HIVEP1: variants seen among roughly 807,000 people sequenced by gnomAD.
HIVEP1 encodes zinc finger protein 40.
HIVEP1 carries 36 observed loss-of-function variants against 180.0 expected under a neutral mutation model. That is an observed-to-expected ratio of 0.20 (90% CI 0.15 to 0.26). The LOEUF is 0.26. Among genes scored for constraint, HIVEP1 ranks in the 10% least tolerant of loss-of-function variants. HIVEP1 has a pLI of 1.00. For missense variants in HIVEP1, 3,143 were observed against 3,268.7 expected (o/e 0.96, Z 0.94); for synonymous variants, 1,239 against 1,239.0 (o/e 1.00, Z 0.00).
At chr6:12,162,086 G>A (rs1760444635) in intron 8 of HIVEP1, among the ~76,000 whole-genome samples, 157 bp downstream of exon 8, 1 of 151,896 alleles carries the variant, frequency 6.6e-6, no homozygotes, top group African/African-American at 2.4e-5. Context: ...AGGGTAGAGG[G>A]TATTTTTGCC....
the HIVEP1 span, among the ~76,000 whole-genome samples, chr6:12,202,671 A>C: frequency 6.6e-6 from 1 of 152,294 alleles, no homozygotes; most frequent in African/African-American, 2.4e-5. Context: ...GAGTTGGTAC[A>C]TATCCCAAGA....
In HIVEP1 at chr6:12,161,573, TCA is replaced by T; in HGVS notation, c.6623_6624del (p.Ser2208CysfsTer4). ...QAESVLSATP[S>X]VTASPQHLPS... ...TGAATCAGTCCTGTCAGCCACACCCTCAGTCACAGCTAGCCCGCAGCACCTTC... is the reference window on the plus strand; with the variant it reads ...TGAATCAGTCCTGTCAGCCACACCCTGTCACAGCTAGCCCGCAGCACCTTC... On this transcript the variant is annotated frameshift_variant, in exon 8 of 9. Coordinates refer to ENST00000379388, the MANE Select transcript of HIVEP1 (RefSeq NM_002114.4). LOFTEE classifies it high-confidence loss of function. The T allele has an allele frequency of 6.2e-7, 1 of 1,614,110 alleles. No individual in the cohort carries two copies. The highest frequency in any genetic ancestry group is 8.5e-7 in the Non-Finnish European group (1 of 1,180,018).
In HIVEP1 at chr6:12,151,921, C is replaced by T. The variant is rs548402882; in HGVS notation, c.6488-9518C>T. 5.3e-5 allele frequency among the ~76,000 whole-genome samples: 8 copies of T among 152,164 alleles called. No homozygotes were observed. The South Asian group carries it at 8.3e-4, about 16-fold the overall frequency. ...CTGTAATCCCAACACTTTGGGAGGC[C>T]GAGGCGGGTGGATCACCTGAGGTCA... is the stretch of plus-strand genomic sequence containing the variant. On this transcript the variant is annotated intron_variant, in intron 7 of 8. Transcript: ENST00000379388.
At chr6:12,080,721 A>G (rs984291133) in intron 2 of HIVEP1, among the ~76,000 whole-genome samples, 12 of 152,200 alleles carry the variant, frequency 7.9e-5, no homozygotes, top group African/African-American at 2.7e-4. Context: ...TCTGAAAAGG[A>G]TAAGTGAAGA....
At chr6:12,187,499 G>A in the HIVEP1 span, among the ~76,000 whole-genome samples, 4 of 151,914 alleles carry the variant, frequency 2.6e-5, no homozygotes, top group South Asian at 2.1e-4. Flanking sequence ...TTTGCCTTCC[G>A]TCCACCATTA....
intron 4 of HIVEP1, among the ~76,000 whole-genome samples, chr6:12,126,450 T>C (rs999508141): frequency 3.3e-5 from 5 of 152,194 alleles, no homozygotes; most frequent in African/African-American, 1.2e-4. Flanking sequence ...GTAAGTTGAT[T>C]TGGTCAAGAT....
chr6:12,173,654 C>G, the HIVEP1 span, among the ~76,000 whole-genome samples: 1 of 152,044 alleles, frequency 6.6e-6, no homozygotes, highest in Non-Finnish European at 1.5e-5. Flanking sequence ...GTCTATATAT[C>G]TGTGGGCTTG....
chr6:12,145,222 C>G (rs1207448239), intron 7 of HIVEP1, among the ~76,000 whole-genome samples: 2 of 151,996 alleles, frequency 1.3e-5, no homozygotes, highest in East Asian at 1.9e-4. Flanking sequence ...CCTTTGCAGA[C>G]TTGGATGCAG....
rs190044678 is a variant in HIVEP1, at chr6:12,104,616, G to A, written c.95-15274G>A. On this transcript the variant is annotated intron_variant, in intron 3 of 8. Transcript: ENST00000379388. ...GTTTTTTGTTTTTGTTTTTGTTTTA[G>A]AGACAAAGTCTTGCTATATTCTTCA... 4.6e-3 allele frequency among the ~76,000 whole-genome samples: 702 copies of A among 151,598 alleles called. 6 individuals are homozygous for A. The highest frequency in any genetic ancestry group is 6.6e-3 in the Non-Finnish European group (450 of 67,852).
chr6:12,151,776 C>T (rs908889184), intron 7 of HIVEP1, among the ~76,000 whole-genome samples: 4 of 152,144 alleles, frequency 2.6e-5, no homozygotes, highest in African/African-American at 9.7e-5. Flanking sequence ...CAGCCACAGA[C>T]AGTATATAAA....
In HIVEP1 at chr6:12,128,516, T is replaced by C. The variant is rs1407844774; in HGVS notation, c.6076-1243T>C. On this transcript the variant is annotated intron_variant, in intron 4 of 8. Coordinates refer to ENST00000379388, the MANE Select transcript of HIVEP1 (RefSeq NM_002114.4). Reference sequence around the variant, plus strand: ...AAGAAGCCCTTGGTAGGAAAAGTTGTGCGTTGCGTTGGATTCAGCCAGAGG... The same window carrying C: ...AAGAAGCCCTTGGTAGGAAAAGTTGCGCGTTGCGTTGGATTCAGCCAGAGG... 2.0e-5 allele frequency among the ~76,000 whole-genome samples: 3 copies of C among 152,186 alleles called. No individual in the cohort carries two copies. In the East Asian group the frequency reaches 5.8e-4, roughly 29 times the overall value.
At chr6:12,136,233 C>T (rs1758696259) in intron 7 of HIVEP1, among the ~76,000 whole-genome samples, 1 of 151,962 alleles carries the variant, frequency 6.6e-6, no homozygotes, top group Non-Finnish European at 1.5e-5. Flanking sequence ...TACTTCTCTA[C>T]CCTTCTCATT....
At chr6:12,087,563 GT>G (rs1773189819) in intron 2 of HIVEP1, among the ~76,000 whole-genome samples, 1 of 151,978 alleles carries the variant, frequency 6.6e-6, no homozygotes, top group Non-Finnish European at 1.5e-5. Context: ...TATGTGATTT[GT>G]TTATTATTTA....
intron 3 of HIVEP1, among the ~76,000 whole-genome samples, chr6:12,099,514 C>G (rs191569420): frequency 9.9e-5 from 15 of 152,154 alleles, no homozygotes; most frequent in Middle Eastern, 3.4e-3. Context: ...GCAGGCCCAC[C>G]CCACATCATG....
the HIVEP1 span, among the ~76,000 whole-genome samples, chr6:12,184,059 A>AGACAGACAGACAGACAGACT: frequency 6.7e-6 from 1 of 149,222 alleles, no homozygotes; most frequent in African/African-American, 2.5e-5. Flanking sequence ...ACAGACAGAC[A>AGACAGACAGACAGACAGACT]GACTGATTTG....
At chr6:12,074,904 C>G (rs1360040527) in intron 2 of HIVEP1, among the ~76,000 whole-genome samples, 1 of 151,972 alleles carries the variant, frequency 6.6e-6, no homozygotes, top group Non-Finnish European at 1.5e-5. Flanking sequence ...GAAAAATAAC[C>G]TGGAAACTAA....
chr6:12,165,620 G>C (rs1333934996), downstream of HIVEP1, among the ~76,000 whole-genome samples: 1 of 152,226 alleles, frequency 6.6e-6, no homozygotes, highest in Non-Finnish European at 1.5e-5. Context: ...CCAATTACCA[G>C]TGCAGTGATT....
chr6:12,043,644 G>C (rs1203512888), intron 2 of HIVEP1, among the ~76,000 whole-genome samples: 1 of 152,144 alleles, frequency 6.6e-6, no homozygotes, highest in Admixed American at 6.5e-5. Flanking sequence ...TGGGATTACA[G>C]GCGTGAGGCA....
the HIVEP1 span, among the ~76,000 whole-genome samples, chr6:12,180,552 TAAC>T: frequency 1.3e-5 from 2 of 152,332 alleles, no homozygotes; most frequent in Admixed American, 6.5e-5. Flanking sequence ...CTTAATCTCT[TAAC>T]AAGTAATTAT....
Sources: allele counts gnomAD v4.1 joint callset (sites outside exome capture counted in the v4.1 genomes callset), GRCh38; gene constraint gnomAD v4.1.1; transcripts MANE v1.5; gene names NCBI Gene and HGNC (gene_info 2026-07-23, HGNC 2026-07-21).